The following ZNF536 variants were observed in gnomAD, a reference collection of about 807,000 sequenced individuals.
ZNF536 encodes the protein zinc finger protein 536.
In ZNF536, 13 loss-of-function variants were observed where a neutral mutation model predicts 84.5. That is an observed-to-expected ratio of 0.15 (90% CI 0.10 to 0.24). The LOEUF is 0.24. ZNF536 is among the 10% of genes least tolerant of loss of function. The pLI is 1.00. For missense variants in ZNF536, 1,536 were observed against 1,747.5 expected, an observed-to-expected ratio of 0.88 and a Z score of 2.16; for synonymous variants, 811 against 742.5, an observed-to-expected ratio of 1.09 and a Z score of -1.50.
chr19:30,693,835 G>A lies in ZNF536; in HGVS notation c.170-16922G>A, dbSNP rs147475652. Among the ~76,000 whole-genome samples, 20 of 152,190 alleles carry A rather than the reference G, an allele frequency of 1.3e-4. No homozygotes were observed. In the East Asian group the frequency reaches 1.9e-3, roughly 15 times the overall value. On this transcript the variant is annotated intron_variant, in intron 1 of 1. Transcript: ENST00000592773. The stretch of plus-strand genomic sequence containing the variant: ...GATATATACTGTGGGTATGGATTGC[G>A]GGTGTCTGATTCCTTTATGGGAAGA...
intron 1 of ZNF536, among the ~76,000 whole-genome samples, chr19:30,262,983 G>T (rs562097859): frequency 6.6e-6 from 1 of 152,318 alleles, no homozygotes; most frequent in East Asian, 1.9e-4. Context: ...AGCCCGTCAG[G>T]TGTGGGTGCT....
At chr19:30,575,646 A>G (rs986750635) in intron 1 of ZNF536, among the ~76,000 whole-genome samples, 3 of 152,220 alleles carry the variant, frequency 2.0e-5, no homozygotes, top group African/African-American at 7.2e-5. Context: ...GCAGTGGGCA[A>G]ATGGAATAAC....
chr19:30,288,112 A>G (rs1019532339), intron 2 of ZNF536, among the ~76,000 whole-genome samples: 1 of 152,216 alleles, frequency 6.6e-6, no homozygotes, highest in Admixed American at 6.5e-5. Context: ...GTCTTTAAAA[A>G]TCCACAAGGG....
chr19:30,575,388 C>T (rs1484237802), intron 1 of ZNF536, among the ~76,000 whole-genome samples: 1 of 152,194 alleles, frequency 6.6e-6, no homozygotes, highest in African/African-American at 2.4e-5. Flanking sequence ...GGACACCACC[C>T]CTCCCATCCA....
chr19:30,696,586 G>A (rs1206709481), intron 1 of ZNF536, among the ~76,000 whole-genome samples: 8 of 152,222 alleles, frequency 5.3e-5, no homozygotes, highest in African/African-American at 1.9e-4. Context: ...GACCACCCAG[G>A]CGGGCTGATG....
intron 1 of ZNF536, among the ~76,000 whole-genome samples, chr19:30,672,124 A>G (rs1568657639): frequency 6.6e-6 from 1 of 152,248 alleles, no homozygotes; most frequent in Non-Finnish European, 1.5e-5. Flanking sequence ...AACAAGATAG[A>G]TTACTTGGCC....
intron 2 of ZNF536, among the ~76,000 whole-genome samples, chr19:30,478,183 G>A (rs1294720933): frequency 1.4e-5 from 2 of 147,140 alleles, no homozygotes; most frequent in East Asian, 2.0e-4. Flanking sequence ...CCAGGATAAA[G>A]TTTTATGTTT....
rs148183507 is a variant in ZNF536, at chr19:30,235,389, G to A, written c.-190+6716G>A. 1.7e-4 allele frequency among the ~76,000 whole-genome samples: 26 copies of A among 152,258 alleles called. No homozygotes were observed. The East Asian group carries it at 3.7e-3, about 21-fold the overall frequency. Reference sequence around the variant, plus strand: ...TCATCCTTCTGAATAATGTTAACCCGCCTTGAAAAGGAAAGTTAAAAATGT... The same window carrying A: ...TCATCCTTCTGAATAATGTTAACCCACCTTGAAAAGGAAAGTTAAAAATGT... On this transcript the variant is annotated intron_variant, in intron 1 of 5. Transcript: ENST00000585628.
intron 1 of ZNF536, among the ~76,000 whole-genome samples, chr19:30,385,360 G>A (rs2049296159): frequency 6.6e-6 from 1 of 152,146 alleles, no homozygotes. Context: ...CTGGGGCCTG[G>A]GTGCCCTGGG....
intron 1 of ZNF536, among the ~76,000 whole-genome samples, chr19:30,686,061 G>T (rs76323532): frequency 0.024 from 3,612 of 152,264 alleles, 148 homozygotes; most frequent in African/African-American, 0.08. Context: ...CCTGTGCCCA[G>T]GAAAGGGCCT....
chr19:30,306,870 A>G (rs2046356310), intron 2 of ZNF536, among the ~76,000 whole-genome samples: 1 of 152,248 alleles, frequency 6.6e-6, no homozygotes, highest in African/African-American at 2.4e-5. Flanking sequence ...CTTAAGTGTA[A>G]GAGCCACAAA....
chr19:30,470,006 A>T (rs1568462872), intron 2 of ZNF536, among the ~76,000 whole-genome samples: 1 of 152,214 alleles, frequency 6.6e-6, no homozygotes, highest in African/African-American at 2.4e-5. Context: ...ATGTAACCAA[A>T]AAACAAAGTG....
At chr19:30,531,380 C>T (rs1229159121) in intron 2 of ZNF536, among the ~76,000 whole-genome samples, 1 of 151,942 alleles carries the variant, frequency 6.6e-6, no homozygotes, top group African/African-American at 2.4e-5. Context: ...TGGGCAAGTC[C>T]TTCCCAAAAG....
At chr19:30,333,264 T>C (rs2146426071) in intron 2 of ZNF536, among the ~76,000 whole-genome samples, 1 of 152,344 alleles carries the variant, frequency 6.6e-6, no homozygotes, top group East Asian at 1.9e-4. Context: ...GGACCTCTTC[T>C]GTGGCCACAG....
chr19:30,345,801 C>A (rs1353730555), intron 2 of ZNF536, among the ~76,000 whole-genome samples: 1 of 152,152 alleles, frequency 6.6e-6, no homozygotes, highest in African/African-American at 2.4e-5. Flanking sequence ...CAGTGTCATC[C>A]CGGGGACTAG....
chr19:30,585,933 G>A (rs181086343), intron 1 of ZNF536, among the ~76,000 whole-genome samples: 1 of 152,134 alleles, frequency 6.6e-6, no homozygotes, highest in East Asian at 1.9e-4. Context: ...GCAGTGGAAA[G>A]GTGTTTGAGC....
intron 2 of ZNF536, among the ~76,000 whole-genome samples, chr19:30,486,315 T>G (rs1304871151): frequency 6.6e-6 from 1 of 152,200 alleles, no homozygotes; most frequent in Non-Finnish European, 1.5e-5. Context: ...TGTGTTCTTA[T>G]CGTTCAGCTC....
At chr19:30,448,626 G>T (rs1388991310) in intron 2 of ZNF536, among the ~76,000 whole-genome samples, 1 of 152,166 alleles carries the variant, frequency 6.6e-6, no homozygotes, top group Non-Finnish European at 1.5e-5. Context: ...TAGGGCCTGA[G>T]AAACTATTTT....
intron 2 of ZNF536, among the ~76,000 whole-genome samples, chr19:30,295,268 A>G (rs910146295): frequency 6.7e-6 from 1 of 149,044 alleles, no homozygotes; most frequent in East Asian, 2.0e-4. Context: ...AGACCCGCCA[A>G]TGTCTAGGTC....
Sources: gnomAD v4.1 joint callset for allele counts (sites outside exome capture counted in the v4.1 genomes callset) on GRCh38, gnomAD v4.1.1 for gene constraint, MANE v1.5 for transcripts, NCBI Gene and HGNC (gene_info 2026-07-23, HGNC 2026-07-21) for gene names.